The following PPP1R16B variants were observed in gnomAD, a reference collection of about 807,000 sequenced individuals.
The protein encoded by PPP1R16B is protein phosphatase 1 regulatory subunit 16B, also known as protein phosphatase 1 regulatory inhibitor subunit 16B.
A neutral mutation model predicts 61.7 loss-of-function variants in PPP1R16B; 14 were observed. The observed-to-expected ratio is 0.23, with a 90% confidence interval of 0.15 to 0.35. PPP1R16B has a LOEUF of 0.35. Ranked by LOEUF, PPP1R16B falls within the 10% of genes least tolerant of loss-of-function variation. The pLI is 1.00. For synonymous variants in PPP1R16B, 266 were observed against 305.3 expected (o/e 0.87, Z 1.34); for missense variants, 547 against 752.5 (o/e 0.73, Z 3.19).
intron 2 of PPP1R16B, among the ~76,000 whole-genome samples, chr20:38,851,296 C>T (rs576528470): frequency 6.6e-6 from 1 of 151,946 alleles, no homozygotes; most frequent in Non-Finnish European, 1.5e-5. Context: ...GAAACCTAGT[C>T]TCTACTAAAA....
At chr20:38,871,073 G>A (rs945887075) in intron 2 of PPP1R16B, among the ~76,000 whole-genome samples, 36 of 152,276 alleles carry the variant, frequency 2.4e-4, no homozygotes, top group Admixed American at 2.1e-3. Context: ...CCTCGGAGGT[G>A]TGGGTGAGGC....
At chr20:38,818,797 G>A (rs2145707689) in intron 1 of PPP1R16B, among the ~76,000 whole-genome samples, 1 of 138,158 alleles carries the variant, frequency 7.2e-6, no homozygotes, top group South Asian at 2.2e-4. Flanking sequence ...ATCTCACTCT[G>A]TTGCCCAGGC....
intron 1 of PPP1R16B, among the ~76,000 whole-genome samples, chr20:38,828,901 G>A (rs1408585074): frequency 6.6e-6 from 1 of 152,138 alleles, no homozygotes; most frequent in Non-Finnish European, 1.5e-5. Flanking sequence ...CTTTTTTGAA[G>A]GTGGAGAGTG....
At chr20:38,862,834 GC>G (rs1381557130) in intron 2 of PPP1R16B, among the ~76,000 whole-genome samples, 1 of 152,188 alleles carries the variant, frequency 6.6e-6, no homozygotes, top group African/African-American at 2.4e-5. Flanking sequence ...ATCAGTTATG[GC>G]CTTTGGAGGC....
chr20:38,854,123 T>C (rs896843116), intron 2 of PPP1R16B, among the ~76,000 whole-genome samples: 1 of 152,220 alleles, frequency 6.6e-6, no homozygotes, highest in African/African-American at 2.4e-5. Context: ...GGGCACATCA[T>C]GTTGCTCGAA....
At chr20:38,855,235 T>A (rs2084996206) in intron 2 of PPP1R16B, among the ~76,000 whole-genome samples, 1 of 152,190 alleles carries the variant, frequency 6.6e-6, no homozygotes, top group Admixed American at 6.5e-5. Flanking sequence ...TTGGTTGACT[T>A]GAGCCATTTG....
chr20:38,837,086 T>C (rs2084877410), intron 2 of PPP1R16B, among the ~76,000 whole-genome samples: 1 of 152,246 alleles, frequency 6.6e-6, no homozygotes, highest in Admixed American at 6.5e-5. Flanking sequence ...CTGTTCCGTG[T>C]ATTCCGTGTA....
chr20:38,893,585 G>GGCGGGAGGAA (rs1337113867), intron 3 of PPP1R16B, among the ~76,000 whole-genome samples: 2 of 150,906 alleles, frequency 1.3e-5, no homozygotes, highest in Non-Finnish European at 3.0e-5. Flanking sequence ...AGTGGGAGGA[G>GGCGGGAGGAA]GCGGGAGGAG....
chr20:38,875,647 C>A (rs2085160384), intron 2 of PPP1R16B, among the ~76,000 whole-genome samples: 1 of 152,200 alleles, frequency 6.6e-6, no homozygotes, highest in Admixed American at 6.5e-5. Flanking sequence ...AAAATACCAT[C>A]CTTTTTGCAG....
At chr20:38,828,656 C>T (rs2084818636) in intron 1 of PPP1R16B, among the ~76,000 whole-genome samples, 1 of 152,168 alleles carries the variant, frequency 6.6e-6, no homozygotes, top group African/African-American at 2.4e-5. Context: ...GTTGTGCTTC[C>T]AGTTCACAGA....
intron 1 of PPP1R16B, among the ~76,000 whole-genome samples, chr20:38,820,747 T>A (rs1449515011): frequency 6.6e-6 from 1 of 151,650 alleles, no homozygotes; most frequent in Non-Finnish European, 1.5e-5. Context: ...TAAAAAAAAA[T>A]TTGAGCCAGG....
intron 2 of PPP1R16B, among the ~76,000 whole-genome samples, chr20:38,871,189 G>T (rs1407761887): frequency 6.6e-6 from 1 of 152,098 alleles, no homozygotes; most frequent in East Asian, 1.9e-4. Context: ...TGAGAACAAG[G>T]TGTCCTGTAC....
rs148179762 is a variant in PPP1R16B at position 38,918,255 on chromosome 20, G to A, written c.1293G>A (p.Pro431=). 41 of 1,614,106 alleles carry A rather than the reference G, an allele frequency of 2.5e-5. 1 individual carries two copies. The highest frequency in any genetic ancestry group is 1.2e-4 in the African/African-American group (9 of 74,942). The part of the protein sequence containing the change: ...DMPVENGLRA[P]VSAYQYALAN... ...CTGTTGAGAATGGCCTCCGGGCTCC[G>A]GTCAGTGCCTACCAGTATGCGCTGG... The change falls in exon 11 of 11, where the codon CCG becomes CCA. Residue 431 remains proline (P), a synonymous_variant. Transcript: ENST00000299824. The surrounding 1 kb of genome is among the most constrained non-coding windows in gnomAD (Gnocchi z 5.3).
intron 2 of PPP1R16B, among the ~76,000 whole-genome samples, chr20:38,866,987 C>T (rs773866276): frequency 1.3e-5 from 2 of 152,198 alleles, no homozygotes; most frequent in African/African-American, 4.8e-5. Flanking sequence ...TTTATCTGTT[C>T]TGGATATTTC....
chr20:38,815,894 C>CA (rs2084732227), intron 1 of PPP1R16B, among the ~76,000 whole-genome samples: 1 of 152,068 alleles, frequency 6.6e-6, no homozygotes, highest in African/African-American at 2.4e-5. Flanking sequence ...GACAAATGAA[C>CA]AAATAAAATG....
intron 10 of PPP1R16B, among the ~76,000 whole-genome samples, chr20:38,908,633 T>A (rs889252406): frequency 6.6e-6 from 1 of 152,226 alleles, no homozygotes; most frequent in Non-Finnish European, 1.5e-5. Flanking sequence ...CAGAACATGT[T>A]TTTTGAAAAA....
intron 5 of PPP1R16B, among the ~76,000 whole-genome samples, chr20:38,901,146 A>T (rs1363328415): frequency 2.6e-5 from 4 of 152,236 alleles, no homozygotes; most frequent in African/African-American, 7.2e-5. Context: ...GAAAGGAAAC[A>T]GATGCAGCAA....
intron 2 of PPP1R16B, among the ~76,000 whole-genome samples, chr20:38,864,637 G>A (rs1461199910): frequency 6.6e-6 from 1 of 152,148 alleles, no homozygotes; most frequent in Non-Finnish European, 1.5e-5. Context: ...GCCCCCCACT[G>A]CAACCAGAGG....
chr20:38,920,716 T>G lies in PPP1R16B; in HGVS notation c.*2050T>G, dbSNP rs1001127794. ...ACCTCCACCCCAATGCCAGGATAGA[T>G]GTATTCTAGAGTAGGGGTGGAGGCG... On this transcript the variant is annotated 3_prime_UTR_variant, in exon 11 of 11. Transcript: ENST00000299824. The G allele has an allele frequency of 3.3e-5, 5 of 152,322 alleles. No homozygotes were observed. Among genetic ancestry groups the G allele is most frequent in the Non-Finnish European group, 7.3e-5 (5 of 68,208 alleles). 9.4% of individuals were successfully genotyped at this position (152,322 alleles called of 1,614,324 possible).
Sources: gnomAD v4.1 joint callset for allele counts (sites outside exome capture counted in the v4.1 genomes callset) on GRCh38, gnomAD v4.1.1 for gene constraint, Gnocchi (gnomAD v3.1) non-coding constraint, MANE v1.5 for transcripts, NCBI Gene and HGNC (gene_info 2026-07-23, HGNC 2026-07-21) for gene names.